NCKAP5: variants seen among roughly 807,000 people sequenced by gnomAD.
NCKAP5 encodes NCK associated protein 5.
NCKAP5 carries 92 observed loss-of-function variants against 167.0 expected under a neutral mutation model. The observed-to-expected ratio is 0.55, with a 90% CI of 0.47 to 0.66. NCKAP5 has a LOEUF of 0.66. Ranked by LOEUF, NCKAP5 falls within the 30% of genes least tolerant of loss-of-function variation. NCKAP5 has a pLI of 0.00. For missense variants in NCKAP5, 2,378 were observed against 2,315.0 expected (o/e 1.03, Z -0.56); for synonymous variants, 891 against 877.4 (o/e 1.02, Z -0.27).
intron 3 of NCKAP5, among the ~76,000 whole-genome samples, chr2:133,489,300 C>A (rs1290894545): frequency 6.6e-6 from 1 of 152,162 alleles, no homozygotes; most frequent in Non-Finnish European, 1.5e-5. Context: ...GTTAGATAAT[C>A]TGAAAGGGCC....
rs1343975602 is a variant in NCKAP5 at position 133,354,647 on chromosome 2, CT to C, written c.70-51538del. Reference sequence around the variant, plus strand: ...ATTTCACAGCTCAAACCCTCTGATTCTTAACAGAATACCTCTACCAAAATTA... The same window carrying C: ...ATTTCACAGCTCAAACCCTCTGATTCTAACAGAATACCTCTACCAAAATTA... On this transcript the variant is annotated intron_variant, in intron 3 of 19. Transcript: ENST00000409261. Among the ~76,000 whole-genome samples the C allele has an allele frequency of 2.0e-5, 3 of 152,168 alleles. No individual in the cohort carries two copies. In the East Asian group the frequency reaches 5.8e-4, roughly 29 times the overall value.
intron 4 of NCKAP5, among the ~76,000 whole-genome samples, chr2:133,259,340 A>G (rs1352656863): frequency 4.6e-5 from 7 of 152,188 alleles, no homozygotes; most frequent in Non-Finnish European, 1.0e-4. Flanking sequence ...AGTTCCTTGA[A>G]GGCATTTGTA....
At chr2:133,501,031 G>A (rs1055768978) in intron 3 of NCKAP5, among the ~76,000 whole-genome samples, 15 of 152,138 alleles carry the variant, frequency 9.9e-5, no homozygotes, top group African/African-American at 2.7e-4. Context: ...TGTGCTAGGC[G>A]CTTGATACCA....
intron 3 of NCKAP5, among the ~76,000 whole-genome samples, chr2:133,350,497 G>A (rs1001584762): frequency 4.6e-5 from 7 of 152,106 alleles, no homozygotes; most frequent in African/African-American, 1.2e-4. Context: ...ATGTATTATA[G>A]CTTCCCATCA....
At chr2:133,608,111 T>C in the NCKAP5 span, among the ~76,000 whole-genome samples, 2 of 152,196 alleles carry the variant, frequency 1.3e-5, no homozygotes, top group African/African-American at 2.4e-5. Context: ...GATAGAGTTG[T>C]TTATTCTATT....
chr2:132,773,883 T>A lies in NCKAP5; in HGVS notation c.5061A>T (p.Ala1687=), dbSNP rs757269456. The change falls in exon 16 of 20, where the codon GCA becomes GCT. Residue 1687 remains alanine (A), a synonymous_variant. Coordinates refer to ENST00000409261, the MANE Select transcript of NCKAP5 (RefSeq NM_207363.3). ...CTTCATCCTCTTGCAAGTTTTCATT[T>A]GCCTCTTTTACCTGCAGGAAGAAGA... ...EVPKDSLVKE[A]NENLQEDEDD... is the part of the protein sequence containing the mutation. 1.2e-6 allele frequency: 2 copies of A among 1,610,838 alleles called. No homozygotes were observed. Among genetic ancestry groups the A allele is most frequent in the South Asian group, 2.2e-5 (2 of 89,972 alleles).
At chr2:132,773,962 G>T (rs1401802965) in intron 15 of NCKAP5, 68 bp from the exon 16 acceptor site, 1 of 1,312,176 alleles carries the variant, frequency 7.6e-7, no homozygotes, top group Non-Finnish European at 1.1e-6. Flanking sequence ...GCAATCCTCA[G>T]AGTAATGGTA....
At chr2:133,319,457 A>AC (rs969314113) in intron 3 of NCKAP5, among the ~76,000 whole-genome samples, 1 of 151,856 alleles carries the variant, frequency 6.6e-6, no homozygotes, top group African/African-American at 2.4e-5. Context: ...CCGGGATGTT[A>AC]CCTTTTTTTT....
At chr2:133,302,600 G>C (rs1465946667) in intron 4 of NCKAP5, among the ~76,000 whole-genome samples, 1 of 114,150 alleles carries the variant, frequency 8.8e-6, no homozygotes, top group Non-Finnish European at 1.7e-5. Flanking sequence ...ATGGACACAG[G>C]AAGGGGAATA....
At chr2:133,113,903 C>G (rs1054181624) in intron 6 of NCKAP5, among the ~76,000 whole-genome samples, 1 of 152,126 alleles carries the variant, frequency 6.6e-6, no homozygotes, top group Admixed American at 6.5e-5. Flanking sequence ...GAATTGGCTG[C>G]CCCTGTACCA....
chr2:133,024,908 A>G (rs988243780), intron 6 of NCKAP5, among the ~76,000 whole-genome samples: 20 of 152,228 alleles, frequency 1.3e-4, no homozygotes, highest in African/African-American at 4.6e-4. Flanking sequence ...GAGACCCACC[A>G]CACATCTTCC....
At chr2:133,271,259 T>G (rs1972746) in intron 4 of NCKAP5, among the ~76,000 whole-genome samples, 1 of 151,958 alleles carries the variant, frequency 6.6e-6, no homozygotes, top group Admixed American at 6.6e-5. Flanking sequence ...CCTTGCTTTG[T>G]GTGTTTTATC....
intron 6 of NCKAP5, among the ~76,000 whole-genome samples, chr2:133,084,591 T>C (rs1455971293): frequency 1.3e-5 from 2 of 152,304 alleles, no homozygotes; most frequent in South Asian, 2.1e-4. Context: ...ATCTCATTCT[T>C]GCTTCACTAA....
At chr2:133,342,357 G>A (rs1382659715) in intron 3 of NCKAP5, among the ~76,000 whole-genome samples, 4 of 152,022 alleles carry the variant, frequency 2.6e-5, no homozygotes, top group Non-Finnish European at 4.4e-5. Flanking sequence ...GATGACCCAC[G>A]GACCATGTTG....
intron 11 of NCKAP5, among the ~76,000 whole-genome samples, chr2:132,853,427 G>A (rs1164972383): frequency 6.6e-6 from 1 of 152,192 alleles, no homozygotes; most frequent in Admixed American, 6.5e-5. Context: ...CTCCGAGCAT[G>A]AGAGTTTTCA....
intron 8 of NCKAP5, among the ~76,000 whole-genome samples, chr2:132,892,672 C>T (rs1692808537): frequency 6.6e-6 from 1 of 152,098 alleles, no homozygotes; most frequent in African/African-American, 2.4e-5. Flanking sequence ...AATATATTGA[C>T]TTTATTACCT....
At position 133,526,228 on chromosome 2, in the gene NCKAP5, A is replaced by AAGGAAGG. The variant is rs1558755385; in HGVS notation, c.-61-8642_-61-8641insCCTTCCT. Among the ~76,000 whole-genome samples, 339 of 53,384 alleles carry AAGGAAGG rather than the reference A, an allele frequency of 6.4e-3. 27 individuals carry two copies. Among genetic ancestry groups the AAGGAAGG allele is most frequent in the East Asian group, 0.039 (57 of 1,458 alleles). The allele number at this position is 53,384 out of a possible 152,430, so 35.0% of individuals were successfully genotyped here. On this transcript the variant is annotated intron_variant, in intron 2 of 19. Coordinates refer to ENST00000409261, the MANE Select transcript of NCKAP5 (RefSeq NM_207363.3). ...GGAAGGAAGGAAGGAAGGAAGGAAG[A>AAGGAAGG]AAGGAAAGGAGGGAGGGAAGGAGGG... is the stretch of plus-strand genomic sequence containing the variant.
chr2:132,899,737 T>C (rs1401144439), intron 8 of NCKAP5, among the ~76,000 whole-genome samples: 1 of 152,146 alleles, frequency 6.6e-6, no homozygotes, highest in Non-Finnish European at 1.5e-5. Context: ...TTAAGCATTG[T>C]GGTGTCACAC....
chr2:132,793,347 G>A (rs114336521), intron 12 of NCKAP5, among the ~76,000 whole-genome samples: 26 of 152,292 alleles, frequency 1.7e-4, no homozygotes, highest in African/African-American at 6.3e-4. Flanking sequence ...GAGGGAGGTG[G>A]AGAAGGCCTG....
Sources: allele counts gnomAD v4.1 joint callset (sites outside exome capture counted in the v4.1 genomes callset), GRCh38; gene constraint gnomAD v4.1.1; transcripts MANE v1.5; gene names NCBI Gene and HGNC (gene_info 2026-07-23, HGNC 2026-07-21).